NAALADL2: variants seen among roughly 807,000 people sequenced by gnomAD.
NAALADL2 encodes the protein N-acetylated alpha-linked acidic dipeptidase like 2.
Under a neutral mutation model 87.2 loss-of-function variants are expected in NAALADL2, and 76 were observed. The ratio of observed to expected loss-of-function variants is 0.87; its 90% CI spans 0.72 to 1.05. The LOEUF is 1.05. Ranked by LOEUF, NAALADL2 falls within the 50% of genes least tolerant of loss-of-function variation. NAALADL2 has a pLI of 0.00. For missense variants in NAALADL2, 1,089 were observed against 945.8 expected, an observed-to-expected ratio of 1.15 and a Z score of -1.99; for synonymous variants, 354 against 331.0, an observed-to-expected ratio of 1.07 and a Z score of -0.75.
intron 5 of NAALADL2, among the ~76,000 whole-genome samples, chr3:175,360,534 C>A (rs1764869328): frequency 6.6e-6 from 1 of 152,086 alleles, no homozygotes; most frequent in East Asian, 1.9e-4. Context: ...TCTCCAGTAA[C>A]TTCTCAGAAA....
intron 11 of NAALADL2, among the ~76,000 whole-genome samples, chr3:175,654,941 T>C (rs1731251028): frequency 6.6e-6 from 1 of 152,010 alleles, no homozygotes; most frequent in Non-Finnish European, 1.5e-5. Context: ...TCTTTTTTTT[T>C]TTTTTGCTAT....
intron 2 of NAALADL2, among the ~76,000 whole-genome samples, chr3:174,715,105 A>G (rs937195615): frequency 1.2e-4 from 18 of 152,188 alleles, no homozygotes; most frequent in African/African-American, 4.1e-4. Flanking sequence ...TTATTAGTCA[A>G]TCGGCTTTTA....
chr3:175,687,539 T>C (rs75399422), intron 11 of NAALADL2, among the ~76,000 whole-genome samples: 1,674 of 152,266 alleles, frequency 0.011, 16 homozygotes, highest in Non-Finnish European at 0.019. Flanking sequence ...TGACTGGTCC[T>C]GAGTTATGTG....
chr3:175,130,656 A>G (rs528762218), intron 2 of NAALADL2, among the ~76,000 whole-genome samples: 1 of 152,334 alleles, frequency 6.6e-6, no homozygotes, highest in East Asian at 1.9e-4. Context: ...GAACACCAGG[A>G]GGCCATTGAG....
intron 10 of NAALADL2, among the ~76,000 whole-genome samples, chr3:175,584,037 T>G (rs932730451): frequency 7.0e-6 from 1 of 142,292 alleles, no homozygotes; most frequent in Admixed American, 7.0e-5. Flanking sequence ...CTATTGTCAC[T>G]ACTTTTTTTT....
At chr3:174,940,759 A>G (rs963656415) in intron 1 of NAALADL2, among the ~76,000 whole-genome samples, 1 of 152,126 alleles carries the variant, frequency 6.6e-6, no homozygotes, top group East Asian at 1.9e-4. Flanking sequence ...GCTTATGTCC[A>G]GGAATTTATC....
At chr3:175,236,662 T>C (rs1284491529) in intron 3 of NAALADL2, among the ~76,000 whole-genome samples, 1 of 151,152 alleles carries the variant, frequency 6.6e-6, no homozygotes, top group South Asian at 2.1e-4. Flanking sequence ...ATAATGGAGG[T>C]GGTGGTGGAG....
chr3:174,978,875 T>C (rs1744726379), intron 1 of NAALADL2, among the ~76,000 whole-genome samples: 1 of 152,224 alleles, frequency 6.6e-6, no homozygotes, highest in South Asian at 2.1e-4. Context: ...ATGTATTTTA[T>C]GTAGGCAAAT....
At chr3:174,724,389 A>C (rs1731991846) in intron 2 of NAALADL2, among the ~76,000 whole-genome samples, 1 of 152,184 alleles carries the variant, frequency 6.6e-6, no homozygotes. Flanking sequence ...TTTTGAGATA[A>C]TCTCTAAAAA....
chr3:175,469,139 CAT>C (rs771720173), intron 8 of NAALADL2, among the ~76,000 whole-genome samples: 3 of 152,098 alleles, frequency 2.0e-5, no homozygotes, highest in Middle Eastern at 3.4e-3. Context: ...TGGGCAAAGA[CAT>C]ATGAGTAATG....
intron 5 of NAALADL2, among the ~76,000 whole-genome samples, chr3:175,439,283 A>G (rs6769183): frequency 0.72 from 109,626 of 151,870 alleles, 40,136 homozygotes; most frequent in Middle Eastern, 0.8. Flanking sequence ...GCAGTTGTGA[A>G]TTGTGTGGCT....
Position 175,181,725 on chromosome 3 carries a change from A to ATATG in NAALADL2, c.546-52205_546-52204insATGT, listed in dbSNP as rs1553802488. 7.9e-4 allele frequency among the ~76,000 whole-genome samples: 49 copies of ATATG among 61,752 alleles called. 2 individuals carry two copies. The highest frequency in any genetic ancestry group is 0.01 in the Middle Eastern group (1 of 98). The allele number at this position is 61,752 out of a possible 152,430, so 40.5% of individuals were successfully genotyped here. On this transcript the variant is annotated intron_variant, in intron 2 of 13. Coordinates refer to ENST00000454872, the MANE Select transcript of NAALADL2 (RefSeq NM_207015.3). Reference sequence around the variant, plus strand: ...TATATGTGTGTGTGTGTGTATATATATGTATATATGTGTATATATGTATAT... The same window carrying ATATG: ...TATATGTGTGTGTGTGTGTATATATATATGTGTATATATGTGTATATATGTATAT...
chr3:175,193,320 A>G (rs183507620), intron 2 of NAALADL2, among the ~76,000 whole-genome samples: 1 of 152,010 alleles, frequency 6.6e-6, no homozygotes, highest in East Asian at 1.9e-4. Flanking sequence ...ATATAATGAT[A>G]GATATGAAAG....
chr3:174,801,338 G>A (rs2109251237), intron 3 of NAALADL2, among the ~76,000 whole-genome samples: 1 of 152,304 alleles, frequency 6.6e-6, no homozygotes, highest in African/African-American at 2.4e-5. Context: ...TTGATAAAGA[G>A]GAGTTCCCCT....
At chr3:174,783,416 A>T (rs1716232607) in intron 3 of NAALADL2, among the ~76,000 whole-genome samples, 1 of 152,124 alleles carries the variant, frequency 6.6e-6, no homozygotes, top group Non-Finnish European at 1.5e-5. Context: ...TTCAGAATTG[A>T]TGGGGTATTG....
At chr3:175,639,700 T>C (rs1176335945) in intron 11 of NAALADL2, among the ~76,000 whole-genome samples, 1 of 152,116 alleles carries the variant, frequency 6.6e-6, no homozygotes, top group Non-Finnish European at 1.5e-5. Flanking sequence ...TTTAACTTAC[T>C]TTTTTATTTT....
chr3:174,971,755 T>C (rs1237138668), intron 1 of NAALADL2, among the ~76,000 whole-genome samples: 1 of 151,780 alleles, frequency 6.6e-6, no homozygotes, highest in Non-Finnish European at 1.5e-5. Context: ...TAGAGTGCAG[T>C]GGTGGGATGT....
chr3:175,603,191 G>A (rs1037245505), intron 10 of NAALADL2, among the ~76,000 whole-genome samples: 6 of 151,976 alleles, frequency 3.9e-5, no homozygotes, highest in Admixed American at 2.0e-4. Context: ...TTTATCTACA[G>A]TACAAGATTC....
chr3:175,799,404 C>T (rs1464090555), intron 13 of NAALADL2, among the ~76,000 whole-genome samples: 2 of 152,000 alleles, frequency 1.3e-5, no homozygotes, highest in East Asian at 1.9e-4. Context: ...ATGACTTTTT[C>T]ATCATTTGTA....
Sources: allele counts gnomAD v4.1 joint callset (sites outside exome capture counted in the v4.1 genomes callset), GRCh38; gene constraint gnomAD v4.1.1; transcripts MANE v1.5; gene names NCBI Gene and HGNC (gene_info 2026-07-23, HGNC 2026-07-21).